Variants in LOC400499 observed in about 807,000 individuals in gnomAD.
At chr16:11,463,656 T>C in the LOC400499 span, among the ~76,000 whole-genome samples, 1 of 152,164 alleles carries the variant, frequency 6.6e-6, no homozygotes, top group Non-Finnish European at 1.5e-5. Flanking sequence ...ATTGTGTGAA[T>C]ATGGATGTGT....
the LOC400499 span, among the ~76,000 whole-genome samples, chr16:11,441,404 G>C: frequency 1.3e-5 from 2 of 152,182 alleles, no homozygotes; most frequent in East Asian, 3.8e-4. Flanking sequence ...CATGTAGTAG[G>C]TGCTCAATAA....
chr16:11,460,059 G>A, the LOC400499 span: 1 of 1,409,322 alleles, frequency 7.1e-7, no homozygotes, highest in Non-Finnish European at 9.3e-7. Flanking sequence ...CTGGACCTGG[G>A]ACACACATGG....
the LOC400499 span, among the ~76,000 whole-genome samples, chr16:11,487,670 T>TAGGTTGA: frequency 6.6e-6 from 1 of 152,290 alleles, no homozygotes; most frequent in Admixed American, 6.5e-5. Flanking sequence ...TTTGGAGCCT[T>TAGGTTGA]AGGTTGAAAG....
At chr16:11,424,953 G>A in the LOC400499 span, among the ~76,000 whole-genome samples, 1 of 152,174 alleles carries the variant, frequency 6.6e-6, no homozygotes, top group Non-Finnish European at 1.5e-5. Context: ...GCATGTTCTG[G>A]CTGAATGACG....
the LOC400499 span, among the ~76,000 whole-genome samples, chr16:11,497,391 C>G: frequency 4.6e-5 from 7 of 152,200 alleles, no homozygotes; most frequent in Non-Finnish European, 8.8e-5. Flanking sequence ...CAGAGCAGGG[C>G]AAGCGGGCTT....
At chr16:11,442,129 G>C in the LOC400499 span, 1 of 152,280 alleles carries the variant, frequency 6.6e-6, no homozygotes, top group Non-Finnish European at 1.5e-5. Context: ...AAGGGTGCTC[G>C]GCTTTACTTT....
chr16:11,457,811 C>A, the LOC400499 span, among the ~76,000 whole-genome samples: 1 of 152,176 alleles, frequency 6.6e-6, no homozygotes, highest in African/African-American at 2.4e-5. Flanking sequence ...GCTGTCTATA[C>A]AGACAATGGA....
chr16:11,508,615 A>G, the LOC400499 span: 2 of 397,314 alleles, frequency 5.0e-6, no homozygotes, highest in South Asian at 2.8e-4. Flanking sequence ...CTGATATTAA[A>G]TATCTGAGAG....
chr16:11,409,759 C>T, the LOC400499 span, among the ~76,000 whole-genome samples: 2 of 152,138 alleles, frequency 1.3e-5, no homozygotes, highest in Non-Finnish European at 2.9e-5. Flanking sequence ...AGAAAATATC[C>T]TTGTTACAGG....
chr16:11,405,145 T>C, the LOC400499 span, among the ~76,000 whole-genome samples: 1 of 152,044 alleles, frequency 6.6e-6, no homozygotes, highest in Non-Finnish European at 1.5e-5. Context: ...CTCTGGGCAT[T>C]TTTCAACCTC....
At chr16:11,446,482 T>C in the LOC400499 span, 1 of 1,402,580 alleles carries the variant, frequency 7.1e-7, no homozygotes, top group East Asian at 2.5e-5. Flanking sequence ...TCAATCCTAT[T>C]GAGCGATGAC....
chr16:11,466,949 A>G, the LOC400499 span, among the ~76,000 whole-genome samples: 8 of 152,172 alleles, frequency 5.3e-5, no homozygotes, highest in African/African-American at 1.9e-4. Context: ...ATGCACGCAC[A>G]CACACACATA....
chr16:11,524,920 C>T, the LOC400499 span, among the ~76,000 whole-genome samples: 3 of 152,338 alleles, frequency 2.0e-5, no homozygotes, highest in East Asian at 1.9e-4. Flanking sequence ...AATACCACTT[C>T]CATCCTCAAA....
the LOC400499 span, among the ~76,000 whole-genome samples, chr16:11,380,425 C>T: frequency 1.3e-5 from 2 of 151,992 alleles, no homozygotes; most frequent in Non-Finnish European, 2.9e-5. Context: ...ACTAAAAATA[C>T]AAAAATTCGC....
chr16:11,465,403 T>C, the LOC400499 span: 4 of 152,166 alleles, frequency 2.6e-5, no homozygotes, highest in Non-Finnish European at 5.9e-5. Flanking sequence ...TGTATACTTT[T>C]TGAAGTCACA....
At chr16:11,482,069 G>T in the LOC400499 span, among the ~76,000 whole-genome samples, 1 of 152,224 alleles carries the variant, frequency 6.6e-6, no homozygotes, top group Non-Finnish European at 1.5e-5. Context: ...CAACCAAATA[G>T]GAGTAATGAA....
chr16:11,426,154 G>A, the LOC400499 span, among the ~76,000 whole-genome samples: 1 of 152,178 alleles, frequency 6.6e-6, no homozygotes, highest in East Asian at 1.9e-4. Flanking sequence ...AATAAAAACT[G>A]GCCAGGCGCG....
At chr16:11,432,547 T>C in the LOC400499 span, among the ~76,000 whole-genome samples, 2 of 152,216 alleles carry the variant, frequency 1.3e-5, no homozygotes, top group Non-Finnish European at 2.9e-5. Flanking sequence ...AAACGAACTT[T>C]GGAATATAAG....
chr16:11,460,968 G>A, the LOC400499 span: 7 of 1,532,968 alleles, frequency 4.6e-6, no homozygotes, highest in Non-Finnish European at 6.1e-6. Context: ...CCTTACCCAG[G>A]AGGCTGTACT....
Sources: allele counts gnomAD v4.1 joint callset (sites outside exome capture counted in the v4.1 genomes callset), GRCh38; gene constraint gnomAD v4.1.1; transcripts MANE v1.5.